The following COMMD10 variants were observed in gnomAD, a reference collection of about 807,000 sequenced individuals.
COMMD10 encodes the protein COMM domain containing 10, also known as COMM domain-containing protein 10.
COMMD10 carries 33 observed loss-of-function variants against 28.9 expected under a neutral mutation model. That is an observed-to-expected ratio of 1.14 (90% CI 0.87 to 1.53). The LOEUF is 1.53. Ranked by LOEUF, COMMD10 falls within the 40% of genes most tolerant of loss-of-function variation. The pLI is 0.00. For missense variants in COMMD10, 310 were observed against 233.4 expected, an observed-to-expected ratio of 1.33 and a Z score of -2.14; for synonymous variants, 110 against 81.7, an observed-to-expected ratio of 1.35 and a Z score of -1.87.
intron 1 of COMMD10, among the ~76,000 whole-genome samples, chr5:116,086,340 A>G (rs897110629): frequency 1.3e-5 from 2 of 152,202 alleles, no homozygotes. Flanking sequence ...ACTGTATCCA[A>G]TATGGTGCAG....
intron 5 of COMMD10, among the ~76,000 whole-genome samples, chr5:116,263,982 T>C (rs1052752516): frequency 2.0e-5 from 3 of 151,848 alleles, no homozygotes; most frequent in Non-Finnish European, 4.4e-5. Context: ...TTGACTCTTT[T>C]CGTCGACAGA....
chr5:116,103,696 T>A (rs1354824447), intron 4 of COMMD10, among the ~76,000 whole-genome samples: 1 of 152,244 alleles, frequency 6.6e-6, no homozygotes, highest in Non-Finnish European at 1.5e-5. Context: ...TGGCTTTTGT[T>A]ACCATTGCTT....
Position 116,091,138 on chromosome 5 carries a change from G to A in COMMD10, c.192G>A (p.Glu64=), listed in dbSNP as rs1435005590. 1.2e-6 allele frequency: 2 copies of A among 1,611,534 alleles called. No individual in the cohort carries two copies. Among genetic ancestry groups the A allele is most frequent in the Non-Finnish European group, 1.7e-6 (2 of 1,178,740 alleles). The change falls in exon 3 of 7, where the codon GAG becomes GAA. Residue 64 remains glutamate, a synonymous_variant. Transcript: ENST00000274458. ...EEKLQAAFSL[E]KQDLHLVLET... ...AACTTCAAGCGGCATTTTCTCTAGA[G>A]AAACAAGATCTTCACCTAGTTCTTG...
chr5:116,115,233 A>C (rs912315647), intron 4 of COMMD10, among the ~76,000 whole-genome samples: 3 of 152,118 alleles, frequency 2.0e-5, no homozygotes, highest in African/African-American at 7.2e-5. Flanking sequence ...GGGAGGGTCA[A>C]GATACACTCC....
chr5:116,191,262 T>G (rs1748362179), intron 5 of COMMD10, among the ~76,000 whole-genome samples: 1 of 151,954 alleles, frequency 6.6e-6, no homozygotes, highest in African/African-American at 2.4e-5. Context: ...AGCTGAACTT[T>G]GTAACAATTT....
At chr5:116,284,441 A>G (rs1751165835) in intron 5 of COMMD10, among the ~76,000 whole-genome samples, 1 of 151,862 alleles carries the variant, frequency 6.6e-6, no homozygotes, top group Admixed American at 6.6e-5. Context: ...ATGTGTTTTC[A>G]TAACTCACAG....
At chr5:116,139,306 A>T (rs1423091937) in intron 5 of COMMD10, among the ~76,000 whole-genome samples, 2 of 151,768 alleles carry the variant, frequency 1.3e-5, no homozygotes, top group Non-Finnish European at 3.0e-5. Flanking sequence ...TAAAGTATAA[A>T]TGATGTCAGT....
chr5:116,114,482 G>A (rs1751164034), intron 4 of COMMD10, among the ~76,000 whole-genome samples: 1 of 152,116 alleles, frequency 6.6e-6, no homozygotes, highest in Non-Finnish European at 1.5e-5. Flanking sequence ...TAATGGCAGG[G>A]TTTTTATGCC....
At chr5:116,218,855 C>A (rs965283976) in intron 5 of COMMD10, among the ~76,000 whole-genome samples, 5 of 152,080 alleles carry the variant, frequency 3.3e-5, no homozygotes, top group African/African-American at 1.2e-4. Flanking sequence ...GACTCTACCC[C>A]CATATTAATA....
chr5:116,236,744 A>T (rs895173686), intron 5 of COMMD10, among the ~76,000 whole-genome samples: 2 of 152,034 alleles, frequency 1.3e-5, no homozygotes, highest in African/African-American at 4.8e-5. Context: ...ACCATGTATG[A>T]TACTATAATT....
At chr5:116,122,208 T>A (rs992170299) in intron 4 of COMMD10, among the ~76,000 whole-genome samples, 93 of 152,254 alleles carry the variant, frequency 6.1e-4, no homozygotes, top group African/African-American at 2.0e-3. Flanking sequence ...ATGGCTAGCC[T>A]GTTTTCCCAG....
intron 5 of COMMD10, among the ~76,000 whole-genome samples, chr5:116,206,265 T>G (rs1029035211): frequency 6.6e-6 from 1 of 152,174 alleles, no homozygotes. Context: ...TGAGTAGCCT[T>G]AGAGTTGAAA....
At chr5:116,122,678 C>A (rs1453326843) in intron 4 of COMMD10, among the ~76,000 whole-genome samples, 1 of 152,138 alleles carries the variant, frequency 6.6e-6, no homozygotes. Context: ...TTGTAGTTCT[C>A]CTTGAAGAGG....
chr5:116,184,498 C>T (rs911675594), intron 5 of COMMD10, among the ~76,000 whole-genome samples: 12 of 151,912 alleles, frequency 7.9e-5, no homozygotes, highest in Admixed American at 7.9e-4. Context: ...CACCTCCACC[C>T]CGCCTTTCTG....
chr5:116,221,318 G>C (rs1749250134), intron 5 of COMMD10, among the ~76,000 whole-genome samples: 1 of 152,042 alleles, frequency 6.6e-6, no homozygotes, highest in Non-Finnish European at 1.5e-5. Flanking sequence ...GAACTCCTCT[G>C]GGAGATGGAT....
At chr5:116,273,658 A>G (rs1750819180) in intron 5 of COMMD10, among the ~76,000 whole-genome samples, 4 of 151,918 alleles carry the variant, frequency 2.6e-5, no homozygotes, top group South Asian at 2.1e-4. Flanking sequence ...TCGTTATGCT[A>G]TGAGTCATTT....
chr5:116,090,400 G>A (rs1488990739), intron 2 of COMMD10, among the ~76,000 whole-genome samples: 1 of 152,214 alleles, frequency 6.6e-6, no homozygotes, highest in Non-Finnish European at 1.5e-5. Context: ...GGGAAATGCT[G>A]ATGGAAGTCA....
chr5:116,200,670 G>C (rs963879015), intron 5 of COMMD10, among the ~76,000 whole-genome samples: 1 of 151,932 alleles, frequency 6.6e-6, no homozygotes, highest in African/African-American at 2.4e-5. Flanking sequence ...ATATTTTCAA[G>C]CTCAGAGGTT....
Position 116,292,268 on chromosome 5 carries a change from C to A in COMMD10, c.571-183C>A, listed in dbSNP as rs143132803. Among the ~76,000 whole-genome samples, 304 of 152,150 alleles carry A rather than the reference C, an allele frequency of 2.0e-3. 2 individuals carry two copies. Among genetic ancestry groups the A allele is most frequent in the African/African-American group, 7.0e-3 (289 of 41,546 alleles). On this transcript the variant is annotated intron_variant, in intron 6 of 6. Coordinates refer to ENST00000274458, the MANE Select transcript of COMMD10 (RefSeq NM_016144.4). The stretch of plus-strand genomic sequence containing the variant: ...AAACTTAAATTTTCAAGCACAAATT[C>A]TAATATCTTCACCTAAAAAGAAAAA...
Sources: allele counts gnomAD v4.1 joint callset (sites outside exome capture counted in the v4.1 genomes callset), GRCh38; gene constraint gnomAD v4.1.1; transcripts MANE v1.5; gene names NCBI Gene and HGNC (gene_info 2026-07-23, HGNC 2026-07-21).